The following ZMYM2 variants were observed in gnomAD, a reference collection of about 807,000 sequenced individuals.
ZMYM2 encodes the protein zinc finger MYM-type containing 2.
ZMYM2 carries 56 observed loss-of-function variants against 162.8 expected under a neutral mutation model. The observed-to-expected ratio is 0.34, with a 90% confidence interval of 0.28 to 0.43. The LOEUF is 0.43. Ranked by LOEUF, ZMYM2 falls within the 20% of genes least tolerant of loss-of-function variation. The probability of loss-of-function intolerance (pLI) is 1.00; values close to 1 mark genes in which losing one functional copy is unlikely to be tolerated. For missense variants in ZMYM2, 1,275 were observed against 1,621.8 expected, an observed-to-expected ratio of 0.79 and a Z score of 3.67; for synonymous variants, 510 against 541.6, an observed-to-expected ratio of 0.94 and a Z score of 0.81.
the ZMYM2 span, among the ~76,000 whole-genome samples, chr13:19,880,773 G>T: frequency 6.6e-6 from 1 of 152,166 alleles, no homozygotes; most frequent in Non-Finnish European, 1.5e-5. Context: ...TTCACTGTTA[G>T]TGTGTAGAAA....
At chr13:19,951,761 A>G in the ZMYM2 span, among the ~76,000 whole-genome samples, 3 of 152,082 alleles carry the variant, frequency 2.0e-5, no homozygotes, top group African/African-American at 7.2e-5. Flanking sequence ...ATGTGGAAGA[A>G]AGGGAACCCT....
chr13:20,043,077 A>G (rs1200076789), intron 12 of ZMYM2, among the ~76,000 whole-genome samples: 1 of 152,074 alleles, frequency 6.6e-6, no homozygotes, highest in Admixed American at 6.6e-5. Context: ...TAACTGTGGA[A>G]TAAGGTGGAT....
chr13:19,995,593 G>C (rs900591811), intron 3 of ZMYM2, among the ~76,000 whole-genome samples: 1 of 151,960 alleles, frequency 6.6e-6, no homozygotes, highest in Admixed American at 6.6e-5. Flanking sequence ...TGGCCAGATT[G>C]GTCTTGAACT....
intron 24 of ZMYM2, among the ~76,000 whole-genome samples, chr13:20,084,898 T>C (rs1045389726): frequency 6.6e-6 from 1 of 152,192 alleles, no homozygotes; most frequent in Non-Finnish European, 1.5e-5. Flanking sequence ...TAGGATGATA[T>C]TAGTACAAGT....
At chr13:20,032,859 T>C (rs1188906795) in intron 10 of ZMYM2, among the ~76,000 whole-genome samples, 3 of 152,162 alleles carry the variant, frequency 2.0e-5, no homozygotes, top group Non-Finnish European at 4.4e-5. Context: ...TCCGCCCGCC[T>C]CAGCCTCCCA....
At chr13:19,887,527 T>TA in the ZMYM2 span, among the ~76,000 whole-genome samples, 1,355 of 143,678 alleles carry the variant, frequency 9.4e-3, 39 homozygotes, top group African/African-American at 0.032. Context: ...AGACTTGGTA[T>TA]AAAAAAAAAA....
upstream of ZMYM2, among the ~76,000 whole-genome samples, chr13:19,954,126 A>ATTTTTTTTTTTTTTTTTTTTTTTTTTTT (rs781288600): frequency 1.5e-5 from 1 of 64,912 alleles, no homozygotes; most frequent in African/African-American, 4.8e-5. Context: ...GCTATGTTTA[A>ATTTTTTTTTTTTTTTTTTTTTTTTTTTT]TTTTTTTTTT....
intron 2 of ZMYM2, among the ~76,000 whole-genome samples, chr13:19,983,870 T>G (rs1948930873): frequency 6.6e-6 from 1 of 151,920 alleles, no homozygotes; most frequent in Non-Finnish European, 1.5e-5. Flanking sequence ...TCAAGAGATC[T>G]GCCCGCCATG....
chr13:19,990,816 C>CT (rs2139687226), intron 2 of ZMYM2, among the ~76,000 whole-genome samples: 1 of 152,218 alleles, frequency 6.6e-6, no homozygotes, highest in Non-Finnish European at 1.5e-5. Context: ...TAGGCCAAAC[C>CT]ACTGTATATA....
the ZMYM2 span, among the ~76,000 whole-genome samples, chr13:19,929,647 A>T: frequency 1.9e-5 from 1 of 53,424 alleles, no homozygotes; most frequent in Non-Finnish European, 7.0e-5. Flanking sequence ...ATGTCTTTTT[A>T]AAAGTGTTTG....
At chr13:19,881,920 T>C in the ZMYM2 span, among the ~76,000 whole-genome samples, 2 of 146,434 alleles carry the variant, frequency 1.4e-5, no homozygotes, top group Non-Finnish European at 3.0e-5. Flanking sequence ...AGGCAGCAGC[T>C]GCAGTGAGCC....
At chr13:19,989,688 A>G (rs1949452446) in intron 2 of ZMYM2, among the ~76,000 whole-genome samples, 1 of 152,202 alleles carries the variant, frequency 6.6e-6, no homozygotes, top group South Asian at 2.1e-4. Context: ...TCTTATTTTA[A>G]AATGTACAAT....
chr13:20,006,277 C>T, intron 5 of ZMYM2, 97 bp from the exon 6 acceptor site: 1 of 1,257,554 alleles, frequency 8.0e-7, no homozygotes, highest in South Asian at 1.8e-5. Flanking sequence ...CCAAACAAGC[C>T]TTATTAGGAC....
chr13:19,898,181 G>C, the ZMYM2 span, among the ~76,000 whole-genome samples: 1 of 150,874 alleles, frequency 6.6e-6, no homozygotes, highest in Non-Finnish European at 1.5e-5. Flanking sequence ...AACAGAACTA[G>C]AAGAAAGAAA....
At chr13:20,044,895 C>G (rs1593084819) in intron 12 of ZMYM2, among the ~76,000 whole-genome samples, 1 of 151,650 alleles carries the variant, frequency 6.6e-6, no homozygotes, top group African/African-American at 2.4e-5. Context: ...ACTAAAAATA[C>G]AAAAATTAGC....
chr13:19,870,519 TTCTC>T, the ZMYM2 span, among the ~76,000 whole-genome samples: 3 of 73,764 alleles, frequency 4.1e-5, no homozygotes, highest in Admixed American at 1.3e-4. Context: ...CCCTCCCTCT[TTCTC>T]TCTTTCTTTC....
the ZMYM2 span, among the ~76,000 whole-genome samples, chr13:19,949,918 G>A: frequency 1.2e-5 from 1 of 80,832 alleles, no homozygotes; most frequent in African/African-American, 4.7e-5. Context: ...AGGAAGGGAA[G>A]GAAGGAGCGA....
chr13:19,890,522 A>AAAAAAAAAAAAAAAAAAAAAAAAAG, the ZMYM2 span, among the ~76,000 whole-genome samples: 1 of 148,230 alleles, frequency 6.7e-6, no homozygotes, highest in Non-Finnish European at 1.5e-5. Flanking sequence ...AAAAAAAAAA[A>AAAAAAAAAAAAAAAAAAAAAAAAAG]GTTGGGAAAA....
chr13:19,926,575 G>A, the ZMYM2 span, among the ~76,000 whole-genome samples: 24 of 151,880 alleles, frequency 1.6e-4, no homozygotes, highest in African/African-American at 5.6e-4. Context: ...TGTCGGCCAG[G>A]CTGGTCTTGA....
Sources: allele counts gnomAD v4.1 joint callset (sites outside exome capture counted in the v4.1 genomes callset), GRCh38; gene constraint gnomAD v4.1.1; transcripts MANE v1.5; gene names NCBI Gene and HGNC (gene_info 2026-07-23, HGNC 2026-07-21).